SSUH2: variants seen among roughly 807,000 people sequenced by gnomAD.
SSUH2 encodes the protein protein SSUH2 homolog.
In SSUH2, 47 loss-of-function variants were observed where a neutral mutation model predicts 55.3. The observed-to-expected ratio is 0.85, with a 90% CI of 0.67 to 1.08. The LOEUF (loss-of-function observed/expected upper bound fraction) is 1.08. Ranked by LOEUF, SSUH2 falls within the 50% of genes least tolerant of loss-of-function variation. The probability of loss-of-function intolerance (pLI) is 0.00; values close to 1 mark genes in which losing one functional copy is unlikely to be tolerated. For synonymous variants in SSUH2, 212 were observed against 191.5 expected (o/e 1.11, Z -0.89); for missense variants, 535 against 490.7 (o/e 1.09, Z -0.85).
intron 1 of SSUH2, among the ~76,000 whole-genome samples, chr3:8,641,670 C>T (rs1398476819): frequency 6.6e-6 from 1 of 152,236 alleles, no homozygotes; most frequent in Non-Finnish European, 1.5e-5. Flanking sequence ...CAGGGCTAAC[C>T]TAGCTGGGAA....
intron 8 of SSUH2, among the ~76,000 whole-genome samples, chr3:8,626,634 C>T (rs116716579): frequency 0.014 from 2,151 of 148,938 alleles, 58 homozygotes; most frequent in African/African-American, 0.051. Context: ...GTGGCTGATA[C>T]AAAGATGGGC....
intron 7 of SSUH2, among the ~76,000 whole-genome samples, chr3:8,652,661 C>T (rs980578682): frequency 7.2e-5 from 11 of 152,208 alleles, no homozygotes; most frequent in Admixed American, 5.2e-4. Context: ...CCAGCCTTAG[C>T]CCTCACATGT....
chr3:8,623,134 C>G (rs1052901811), intron 11 of SSUH2, among the ~76,000 whole-genome samples: 1 of 152,156 alleles, frequency 6.6e-6, no homozygotes, highest in Non-Finnish European at 1.5e-5. Flanking sequence ...CCACAGAGGC[C>G]AGGAGAAGAC....
chr3:8,619,871 C>T lies in SSUH2; in HGVS notation c.1125G>A (p.Val375=). The change falls in exon 12 of 12, where the codon GTG becomes GTA. Residue 375 remains valine (V), a synonymous_variant. Transcript: ENST00000544814. The stretch of plus-strand genomic sequence containing the variant: ...CTCTGGGGACAGCCATGCTATGTCA[C>T]ACGATGGTACAGCCACAGCAATACC... ...PERYCCGCTI[V] is the part of the protein sequence containing the mutation. 1.9e-6 allele frequency: 3 copies of T among 1,613,402 alleles called. No homozygotes were observed. Among genetic ancestry groups the T allele is most frequent in the Non-Finnish European group, 2.5e-6 (3 of 1,179,710 alleles).
chr3:8,622,097 G>A (rs1696569815), intron 11 of SSUH2, among the ~76,000 whole-genome samples: 1 of 152,162 alleles, frequency 6.6e-6, no homozygotes, highest in South Asian at 2.1e-4. Context: ...CCAGGTCTCA[G>A]AGTCATGGCC....
Position 8,664,249 on chromosome 3 carries a change from T to A in SSUH2, c.-454-447A>T, listed in dbSNP as rs149007433. ...GATGTTACATCTTTCAAGAGCCTCGTGTTCTTCTCAGCAACTTCAGGTCAT... is the reference window on the plus strand; with the variant it reads ...GATGTTACATCTTTCAAGAGCCTCGAGTTCTTCTCAGCAACTTCAGGTCAT... On this transcript the variant is annotated intron_variant, in intron 5 of 18. Coordinates refer to the SSUH2 transcript ENST00000317371. 7.0e-3 allele frequency among the ~76,000 whole-genome samples: 1,069 copies of A among 152,360 alleles called. 11 individuals carry two copies. The highest frequency in any genetic ancestry group is 0.025 in the African/African-American group (1,024 of 41,592).
At chr3:8,638,425 A>G (rs954847115) in intron 1 of SSUH2, among the ~76,000 whole-genome samples, 3 of 152,214 alleles carry the variant, frequency 2.0e-5, no homozygotes, top group Non-Finnish European at 4.4e-5. Flanking sequence ...AAAAAGTTTC[A>G]TAGACGTAGA....
chr3:8,642,569 G>A (rs1233104309), intron 1 of SSUH2, among the ~76,000 whole-genome samples: 1 of 152,240 alleles, frequency 6.6e-6, no homozygotes, highest in Non-Finnish European at 1.5e-5. Context: ...GCACCTGAAG[G>A]TGATGGTCAA....
chr3:8,636,821 A>C (rs1700004593), intron 1 of SSUH2, among the ~76,000 whole-genome samples: 1 of 152,134 alleles, frequency 6.6e-6, no homozygotes, highest in Non-Finnish European at 1.5e-5. Flanking sequence ...GGGTGACCCA[A>C]ACTGGTACAC....
Position 8,679,065 on chromosome 3 carries a change from C to G in SSUH2, c.-901+640G>C, listed in dbSNP as rs552961397. ...ACCAAACGCAGGGGAGGAAGCACCCCCCGCGAGGCGGGGACTGAGAGCAAG... is the reference window on the plus strand; with the variant it reads ...ACCAAACGCAGGGGAGGAAGCACCCGCCGCGAGGCGGGGACTGAGAGCAAG... On this transcript the variant is annotated intron_variant, in intron 2 of 18. Coordinates refer to the SSUH2 transcript ENST00000317371. Among the ~76,000 whole-genome samples, 2 of 109,384 alleles carry G rather than the reference C, an allele frequency of 1.8e-5. 1 individual carries two copies. The highest frequency in any genetic ancestry group is 4.2e-5 in the Non-Finnish European group (2 of 47,466). The allele number at this position is 109,384 out of a possible 152,430, so 71.8% of individuals were successfully genotyped here. A position where few individuals can be genotyped will look rare whatever the true frequency, so the allele number is the denominator to read the frequency against.
upstream of SSUH2, among the ~76,000 whole-genome samples, chr3:8,646,912 G>T (rs1419298382): frequency 2.0e-5 from 3 of 152,226 alleles, no homozygotes; most frequent in African/African-American, 7.2e-5. Flanking sequence ...AGCTCCTCCT[G>T]AACTGGCCCT....
At chr3:8,624,114 C>T (rs749210285) in intron 10 of SSUH2, among the ~76,000 whole-genome samples, 6 of 152,034 alleles carry the variant, frequency 3.9e-5, no homozygotes, top group African/African-American at 7.3e-5. Context: ...ACAGAAAGTC[C>T]GGGCACTGGG....
chr3:8,672,838 C>T (rs1056715108), intron 3 of SSUH2, among the ~76,000 whole-genome samples: 1 of 152,154 alleles, frequency 6.6e-6, no homozygotes, highest in Non-Finnish European at 1.5e-5. Flanking sequence ...CCACTGCTAT[C>T]TTGGGAGTAA....
At position 8,679,024 on chromosome 3, in the gene SSUH2, C is replaced by G. The variant is rs1192014092; in HGVS notation, c.-901+681G>C. Among the ~76,000 whole-genome samples the G allele has an allele frequency of 1.2e-4, 13 of 111,148 alleles. 4 individuals carry two copies. The highest frequency in any genetic ancestry group is 1.2e-4 in the African/African-American group (4 of 33,446). 72.9% of individuals were successfully genotyped at this position (111,148 alleles called of 152,430 possible). ...GACTGAGAGCCAGCCCCTCTTCCCC[C>G]CCTGGCTCTTAGGACACCAAACGCA... On this transcript the variant is annotated intron_variant, in intron 2 of 18. Coordinates refer to the SSUH2 transcript ENST00000317371.
Position 8,630,821 on chromosome 3 carries a change from TG to T in SSUH2, c.508del (p.His170ThrfsTer164). On this transcript the variant is annotated frameshift_variant, in exon 6 of 12. Coordinates refer to ENST00000544814, the MANE Select transcript of SSUH2 (RefSeq NM_001256748.3). LOFTEE classifies it high-confidence loss of function. ...TCGTATTACCTTGACCAGTGACGAGTGAGGGACCTGGAACTTCCTGGTGTCT... is the reference window on the plus strand; with the variant it reads ...TCGTATTACCTTGACCAGTGACGAGTAGGGACCTGGAACTTCCTGGTGTCT... ...QEDTRKFQVP[H>X]SSLVKECHKC... The T allele has an allele frequency of 6.8e-7, 1 of 1,480,956 alleles. No individual in the cohort carries two copies. Among genetic ancestry groups the T allele is most frequent in the Non-Finnish European group, 9.0e-7 (1 of 1,114,464 alleles). 91.7% of individuals were successfully genotyped at this position (1,480,956 alleles called of 1,614,324 possible). A position where few individuals can be genotyped will look rare whatever the true frequency, so the allele number is the denominator to read the frequency against.
At position 8,619,803 on chromosome 3, in the gene SSUH2, C is replaced by T; in HGVS notation, c.*65G>A. 1 of 1,574,710 alleles carries T rather than the reference C, an allele frequency of 6.4e-7. No homozygotes were observed. The highest frequency in any genetic ancestry group is 8.6e-7 in the Non-Finnish European group (1 of 1,157,528). On this transcript the variant is annotated 3_prime_UTR_variant, in exon 12 of 12. Transcript: ENST00000544814. ...CAATGCAGCCAACAGTGAACACACT[C>T]AGAGAGTGTCGGCCATCTTCCTTGG...
At chr3:8,638,421 T>G (rs1700270877) in intron 1 of SSUH2, among the ~76,000 whole-genome samples, 1 of 152,182 alleles carries the variant, frequency 6.6e-6, no homozygotes, top group Admixed American at 6.5e-5. Context: ...TAGAAAAAAG[T>G]TTCATAGACG....
At chr3:8,640,622 GAA>G (rs1409144198) in intron 1 of SSUH2, among the ~76,000 whole-genome samples, 1 of 151,950 alleles carries the variant, frequency 6.6e-6, no homozygotes, top group Non-Finnish European at 1.5e-5. Context: ...AGAACACAGA[GAA>G]AAAAGGAAGG....
chr3:8,672,339 A>G (rs1160953070), intron 3 of SSUH2, among the ~76,000 whole-genome samples: 3 of 152,092 alleles, frequency 2.0e-5, no homozygotes, highest in Non-Finnish European at 4.4e-5. Flanking sequence ...CCCGCCCTGC[A>G]CATTACAAAA....
Sources: gnomAD v4.1 joint callset for allele counts (sites outside exome capture counted in the v4.1 genomes callset) on GRCh38, gnomAD v4.1.1 for gene constraint, MANE v1.5 for transcripts, NCBI Gene and HGNC (gene_info 2026-07-23, HGNC 2026-07-21) for gene names.